The following ACSF3 variants were observed in gnomAD, a reference collection of about 807,000 sequenced individuals.
The protein encoded by ACSF3 is malonate--CoA ligase ACSF3, mitochondrial.
A neutral mutation model predicts 53.2 loss-of-function variants in ACSF3; 78 were observed. The ratio of observed to expected loss-of-function variants is 1.47; its 90% CI spans 1.22 to 1.77. The LOEUF (loss-of-function observed/expected upper bound fraction) is 1.77. Among genes scored for constraint, ACSF3 ranks in the 40% most tolerant of loss-of-function variants. ACSF3 has a pLI of 0.00. For missense variants in ACSF3, 937 were observed against 771.1 expected (o/e 1.22, Z -2.55); for synonymous variants, 414 against 333.1 (o/e 1.24, Z -2.65).
intron 2 of ACSF3, 130 bp from the exon 3 acceptor site, chr16:89,100,532 G>A: frequency 1.1e-6 from 1 of 914,544 alleles, no homozygotes; most frequent in Non-Finnish European, 1.6e-6. Context: ...CCTGTCTGGT[G>A]CGCTGCCTCA....
chr16:89,114,368 C>T lies in ACSF3; in HGVS notation c.1007C>T (p.Pro336Leu). ...ATGGTCTCAGGCTCAGCTGCCCTGC[C>T]CCTCCCAGTGCTGGAGAAGTGGAAG... ...RLMVSGSAAL[P>L]LPVLEKWKNI... Residue 336 changes from proline (P) to leucine (L), a missense_variant, in exon 6 of 11, where the codon CCC becomes CTC. Pro to Leu is a moderately conservative substitution (Grantham distance 98). Coordinates refer to ENST00000614302, the MANE Select transcript of ACSF3 (RefSeq NM_001243279.3). 6.2e-7 allele frequency: 1 copy of T among 1,614,116 alleles called. No individual in the cohort carries two copies. The highest frequency in any genetic ancestry group is 8.5e-7 in the Non-Finnish European group (1 of 1,180,046).
intron 9 of ACSF3, among the ~76,000 whole-genome samples, chr16:89,145,719 G>T (rs1912804787): frequency 6.6e-6 from 1 of 152,222 alleles, no homozygotes; most frequent in Admixed American, 6.5e-5. Context: ...CAGAGCCCCT[G>T]TGAGTGCCCA....
At chr16:89,136,422 C>T (rs1910479456) in intron 8 of ACSF3, 2 of 971,842 alleles carry the variant, frequency 2.1e-6, no homozygotes, top group Non-Finnish European at 2.7e-6. Context: ...ATGTCTTTGT[C>T]ACAGGCCATT....
chr16:89,150,790 G>A (rs985308685), intron 10 of ACSF3: 7 of 364,922 alleles, frequency 1.9e-5, no homozygotes, highest in African/African-American at 1.5e-4. Context: ...TGCTGTACCT[G>A]GCCCACAGCT....
In ACSF3 at chr16:89,102,585, G is replaced by C. The variant is rs560458501; in HGVS notation, c.667-19G>C. On this transcript the variant is annotated intron_variant, in intron 3 of 10. Transcript: ENST00000614302. ...CACAGTCTTGCTCTTGCTCTCAGCT[G>C]TGCTCTCGTCCCCTGCAGGTGACCG... 1 of 1,612,972 alleles carries C rather than the reference G, an allele frequency of 6.2e-7. No individual in the cohort carries two copies. The highest frequency in any genetic ancestry group is 8.5e-7 in the Non-Finnish European group (1 of 1,180,020).
intron 1 of ACSF3, among the ~76,000 whole-genome samples, chr16:89,098,165 G>A (rs143392155): frequency 3.3e-5 from 5 of 152,340 alleles, no homozygotes; most frequent in African/African-American, 1.2e-4. Flanking sequence ...AGGGTCTCAA[G>A]CACAAAACAT....
At chr16:89,101,561 G>C (rs892141256) in intron 3 of ACSF3, among the ~76,000 whole-genome samples, 21 of 152,226 alleles carry the variant, frequency 1.4e-4, no homozygotes, top group African/African-American at 4.3e-4. Flanking sequence ...GCGTCCAGGT[G>C]TAGAGGGATT....
chr16:89,127,380 T>G lies in ACSF3; in HGVS notation c.1240-5756T>G, dbSNP rs576248314. Among the ~76,000 whole-genome samples, 187 of 152,220 alleles carry G rather than the reference T, an allele frequency of 1.2e-3. 2 individuals carry two copies. The highest frequency in any genetic ancestry group is 3.9e-3 in the African/African-American group (160 of 41,536). On this transcript the variant is annotated intron_variant, in intron 7 of 10. Coordinates refer to ENST00000614302, the MANE Select transcript of ACSF3 (RefSeq NM_001243279.3). The stretch of plus-strand genomic sequence containing the variant: ...TTTTCTATTATTATTATTTTGTGTG[T>G]GGGGGATAAGGTCTCGTTCTGTCAC...
rs1276895579 is a variant in ACSF3 at position 89,136,424 on chromosome 16, C to G, written c.1366+3162C>G. The G allele has an allele frequency of 7.1e-6, 7 of 987,434 alleles. No individual in the cohort carries two copies. In the South Asian group the frequency reaches 1.0e-4, roughly 14 times the overall value. 61.2% of individuals were successfully genotyped at this position (987,434 alleles called of 1,614,324 possible). On this transcript the variant is annotated intron_variant, in intron 8 of 10. Transcript: ENST00000614302. Reference sequence around the variant, plus strand: ...GCCTGGAAGCCGCATGTCTTTGTCACAGGCCATTAGCGATGCTGCTGCATA... The same window carrying G: ...GCCTGGAAGCCGCATGTCTTTGTCAGAGGCCATTAGCGATGCTGCTGCATA...
chr16:89,154,245 C>T lies in ACSF3; in HGVS notation c.*38C>T. 1 of 1,593,390 alleles carries T rather than the reference C, an allele frequency of 6.3e-7. No individual in the cohort carries two copies. On this transcript the variant is annotated 3_prime_UTR_variant, in exon 11 of 11. Coordinates refer to ENST00000614302, the MANE Select transcript of ACSF3 (RefSeq NM_001243279.3). ...GGACTGCGGGTCTGGTGGGGAGCAG[C>T]AGACGTCCCCTTCACACCGAGAACC...
chr16:89,154,215 G>T lies in ACSF3; in HGVS notation c.*8G>T. 1 of 1,612,282 alleles carries T rather than the reference G, an allele frequency of 6.2e-7. No individual in the cohort carries two copies. Among genetic ancestry groups the T allele is most frequent in the South Asian group, 1.1e-5 (1 of 90,848 alleles). ...CACTTCCACCCCTCATGACCCGGCA[G>T]ACTGGGACTGCGGGTCTGGTGGGGA... On this transcript the variant is annotated 3_prime_UTR_variant, in exon 11 of 11. Transcript: ENST00000614302.
intron 6 of ACSF3, 130 bp from the exon 7 acceptor site, chr16:89,120,671 G>T: frequency 1.1e-6 from 1 of 870,232 alleles, no homozygotes; most frequent in South Asian, 1.3e-5. Flanking sequence ...CACAGGGCAC[G>T]TCGCTCCCTC....
chr16:89,114,302 C>T, intron 5 of ACSF3, 37 bp from the exon 6 acceptor site: 2 of 1,612,832 alleles, frequency 1.2e-6, no homozygotes, highest in East Asian at 2.2e-5. Context: ...GAGCCACGTC[C>T]CAAGGGGCTA....
intron 8 of ACSF3, among the ~76,000 whole-genome samples, chr16:89,138,162 G>A (rs536244813): frequency 1.3e-4 from 20 of 152,302 alleles, no homozygotes; most frequent in Admixed American, 2.6e-4. Context: ...CGGCAGTGTC[G>A]TGGTCCCGGC....
rs1376833057 is a variant in ACSF3 at position 89,155,488 on chromosome 16, C to A, written c.*1281C>A. On this transcript the variant is annotated 3_prime_UTR_variant, in exon 11 of 11. Coordinates refer to ENST00000614302, the MANE Select transcript of ACSF3 (RefSeq NM_001243279.3). ...TGAGGCCACAGAGCAGCGTCCCAGCCCTGTTTTCCAGGACTGGTGGGTGCC... is the reference window on the plus strand; with the variant it reads ...TGAGGCCACAGAGCAGCGTCCCAGCACTGTTTTCCAGGACTGGTGGGTGCC... 1 of 454,156 alleles carries A rather than the reference C, an allele frequency of 2.2e-6. No individual in the cohort carries two copies. The highest frequency in any genetic ancestry group is 2.3e-5 in the Admixed American group (1 of 42,586). 28.1% of individuals were successfully genotyped at this position (454,156 alleles called of 1,614,324 possible).
intron 7 of ACSF3, among the ~76,000 whole-genome samples, chr16:89,124,096 ATCACACACATGCCTAGTGTGCGCATGGG>A (rs1195079163): frequency 1.4e-5 from 2 of 138,330 alleles, no homozygotes; most frequent in African/African-American, 5.2e-5. Flanking sequence ...GCGCATGGGT[ATCACACACATGCCTAGTGTGCGCATGGG>A]TATCACACAC....
chr16:89,109,122 C>G (rs1597927367), intron 4 of ACSF3, among the ~76,000 whole-genome samples: 1 of 150,888 alleles, frequency 6.6e-6, no homozygotes, highest in East Asian at 2.0e-4. Flanking sequence ...ATCCCAGCTA[C>G]TCGGGAGGCT....
At chr16:89,148,105 T>TC (rs1297304250) in intron 10 of ACSF3, 7 of 146,958 alleles carry the variant, frequency 4.8e-5, no homozygotes, top group African/African-American at 1.8e-4. Context: ...TTTTTGGTTT[T>TC]TTTTTTTTTT....
Position 89,146,066 on chromosome 16 carries a change from C to CGGGTTGGGGGGGGGGGGGG in ACSF3, c.1613+20_1613+21insTTGGGGGGGGGGGGGGGGG. On this transcript the variant is annotated intron_variant, in intron 10 of 10. Transcript: ENST00000614302. ...GTGGGCCAGGTAGGGCTGGGTGGGG[C>CGGGTTGGGGGGGGGGGGGG]GGGCAGGGAGCACTCATGGGGTCTT... 2.3e-6 allele frequency: 1 copy of CGGGTTGGGGGGGGGGGGGG among 440,132 alleles called. No homozygotes were observed. Among genetic ancestry groups the CGGGTTGGGGGGGGGGGGGG allele is most frequent in the Non-Finnish European group, 4.6e-6 (1 of 217,696 alleles). The allele number at this position is 440,132 out of a possible 1,614,324, so 27.3% of individuals were successfully genotyped here. A position where few individuals can be genotyped will look rare whatever the true frequency, so the allele number is the denominator to read the frequency against.
Sources: allele counts gnomAD v4.1 joint callset (sites outside exome capture counted in the v4.1 genomes callset), GRCh38; gene constraint gnomAD v4.1.1; transcripts MANE v1.5; gene names NCBI Gene and HGNC (gene_info 2026-07-23, HGNC 2026-07-21).